TPGS1: variants seen among roughly 807,000 people sequenced by gnomAD.
The protein encoded by TPGS1 is gene trap ROSA b-geo 22.
Under a neutral mutation model 11.9 loss-of-function variants are expected in TPGS1, and 18 were observed. The observed-to-expected ratio is 1.51, with a 90% CI of 1.04 to 2.24. The LOEUF (loss-of-function observed/expected upper bound fraction) is 2.24, where lower values mean the gene tolerates loss of function less well. TPGS1 is among the 30% of genes most tolerant of loss of function. TPGS1 has a pLI of 0.00. For missense variants in TPGS1, 500 were observed against 443.0 expected, an observed-to-expected ratio of 1.13 and a Z score of -1.16; for synonymous variants, 247 against 218.2, an observed-to-expected ratio of 1.13 and a Z score of -1.16.
intron 1 of TPGS1, among the ~76,000 whole-genome samples, chr19:514,063 C>G (rs1281621899): frequency 2.0e-5 from 3 of 152,004 alleles, no homozygotes; most frequent in African/African-American, 4.8e-5. Context: ...CCACTGCACA[C>G]TGGCCCCACA....
chr19:514,727 T>C (rs563928015), intron 1 of TPGS1, among the ~76,000 whole-genome samples: 5 of 152,332 alleles, frequency 3.3e-5, no homozygotes, highest in African/African-American at 1.2e-4. Flanking sequence ...GGCCAGACCA[T>C]GGGGCTGCCC....
At chr19:515,320 G>A (rs2145833875) in intron 1 of TPGS1, among the ~76,000 whole-genome samples, 1 of 151,566 alleles carries the variant, frequency 6.6e-6, no homozygotes, top group East Asian at 1.9e-4. Flanking sequence ...AGGATCGCTT[G>A]AGCCCAGGAG....
chr19:512,929 C>T (rs1188065413), intron 1 of TPGS1, among the ~76,000 whole-genome samples: 1 of 152,266 alleles, frequency 6.6e-6, no homozygotes, highest in African/African-American at 2.4e-5. Context: ...CCTGCAGCCG[C>T]TGCCAAGAGC....
intron 1 of TPGS1, chr19:509,448 T>G (rs1306169288): frequency 6.6e-6 from 1 of 152,670 alleles, no homozygotes; most frequent in African/African-American, 2.4e-5. Flanking sequence ...ACTTAGTGGC[T>G]TAAAACAACA....
intron 1 of TPGS1, among the ~76,000 whole-genome samples, chr19:513,089 T>G (rs1463338035): frequency 6.6e-6 from 1 of 152,130 alleles, no homozygotes; most frequent in Non-Finnish European, 1.5e-5. Flanking sequence ...TTGTTGGTTT[T>G]GGGCCTCTAG....
At position 519,081 on chromosome 19, in the gene TPGS1, G is replaced by A. The variant is rs1266170054; in HGVS notation, c.531G>A (p.Pro177=). The change falls in exon 2 of 2, where the codon CCG becomes CCA. Residue 177 remains proline (P), a synonymous_variant. Coordinates refer to ENST00000359315, the MANE Select transcript of TPGS1 (RefSeq NM_033513.3). The stretch of plus-strand genomic sequence containing the variant: ...AGTGCCGTGACCACGAGGCGGTGCC[G>A]CTGAGCGTCTTCCGCGCGGGCACAC... ...KVQCRDHEAV[P]LSVFRAGTLT... 5 of 1,533,536 alleles carry A rather than the reference G, an allele frequency of 3.3e-6. No individual in the cohort carries two copies. Among genetic ancestry groups the A allele is most frequent in the Non-Finnish European group, 4.4e-6 (5 of 1,146,162 alleles). The allele number at this position is 1,533,536 out of a possible 1,614,324, so 95.0% of individuals were successfully genotyped here. A position where few individuals can be genotyped will look rare whatever the true frequency, so the allele number is the denominator to read the frequency against.
chr19:519,382 G>C lies in TPGS1; in HGVS notation c.832G>C (p.Ala278Pro). Residue 278 changes from alanine (A) to proline (P), a missense_variant, in exon 2 of 2, where the codon GCC (alanine) becomes CCC (proline). Coordinates refer to ENST00000359315, the MANE Select transcript of TPGS1 (RefSeq NM_033513.3). The stretch of plus-strand genomic sequence containing the variant: ...GACCCGCGAGGAGTTTCTGGAGAGG[G>C]CCGCCGCGCTCTTCATCGCGAAGGT... ...PMTREEFLERAAALFIAKVKP... is the reference protein window; with the variant it reads ...PMTREEFLERPAALFIAKVKP... 8.2e-7 allele frequency: 1 copy of C among 1,224,026 alleles called. No individual in the cohort carries two copies. The highest frequency in any genetic ancestry group is 1.0e-6 in the Non-Finnish European group (1 of 981,936). The allele number at this position is 1,224,026 out of a possible 1,614,324, so 75.8% of individuals were successfully genotyped here.
At chr19:515,173 G>A (rs1193293721) in intron 1 of TPGS1, among the ~76,000 whole-genome samples, 2 of 152,192 alleles carry the variant, frequency 1.3e-5, no homozygotes, top group Non-Finnish European at 2.9e-5. Context: ...ATTTACAAAA[G>A]CAGGCAGCAG....
chr19:508,850 G>A (rs1978704900), intron 1 of TPGS1: 2 of 152,370 alleles, frequency 1.3e-5, no homozygotes, highest in East Asian at 1.9e-4. Context: ...AGATAAGGGT[G>A]GCAGGGTGTT....
In TPGS1 at chr19:518,876, C is replaced by A. The variant is rs772772106; in HGVS notation, c.339-13C>A. 2 of 1,496,984 alleles carry A rather than the reference C, an allele frequency of 1.3e-6. No homozygotes were observed. The highest frequency in any genetic ancestry group is 2.9e-5 in the African/African-American group (2 of 69,498). 92.7% of individuals were successfully genotyped at this position (1,496,984 alleles called of 1,614,324 possible). On this transcript the variant is annotated splice_polypyrimidine_tract_variant and intron_variant, in intron 1 of 1. Coordinates refer to ENST00000359315, the MANE Select transcript of TPGS1 (RefSeq NM_033513.3). ...GCGGTCTCTGCCGGCCCCCAACGTC[C>A]CCGTCTCCGCAGGGCCGCCTTCAAC...
chr19:512,428 G>T (rs538281634), intron 1 of TPGS1, among the ~76,000 whole-genome samples: 1 of 152,356 alleles, frequency 6.6e-6, no homozygotes, highest in Non-Finnish European at 1.5e-5. Flanking sequence ...CTCCCAAAGT[G>T]CTGGGCTCAC....
At chr19:508,495 G>C (rs1199086371) in intron 1 of TPGS1, 3 of 152,244 alleles carry the variant, frequency 2.0e-5, no homozygotes, top group Admixed American at 6.5e-5. Context: ...GCTGGGGCCA[G>C]TTCTGAGCCC....
intron 1 of TPGS1, among the ~76,000 whole-genome samples, chr19:511,790 CAG>C (rs1364376023): frequency 6.6e-6 from 1 of 152,242 alleles, no homozygotes; most frequent in Non-Finnish European, 1.5e-5. Context: ...GCGAGCACGA[CAG>C]GAACCAACAA....
At position 515,856 on chromosome 19, in the gene TPGS1, C is replaced by A. The variant is rs555030928; in HGVS notation, c.339-3033C>A. ...GACCATCCCGGCTAAAACGGTGAAA[C>A]CCCGTCTCTACTAAAAATACAAAAA... On this transcript the variant is annotated intron_variant, in intron 1 of 1. Coordinates refer to ENST00000359315, the MANE Select transcript of TPGS1 (RefSeq NM_033513.3). 2.9e-3 allele frequency among the ~76,000 whole-genome samples: 446 copies of A among 151,928 alleles called. 4 individuals are homozygous for A. Among genetic ancestry groups the A allele is most frequent in the Middle Eastern group, 0.01 (3 of 294 alleles).
Position 519,638 on chromosome 19 carries a change from A to C in TPGS1, c.*215A>C. On this transcript the variant is annotated 3_prime_UTR_variant, in exon 2 of 2. Coordinates refer to ENST00000359315, the MANE Select transcript of TPGS1 (RefSeq NM_033513.3). ...GGAGCCCCTGCCCCACGCTAATAAA[A>C]TGTGTTGCGAGGCTGACGCTGGTGT... The C allele has an allele frequency of 1.7e-5, 5 of 293,376 alleles. No homozygotes were observed. Among genetic ancestry groups the C allele is most frequent in the Admixed American group, 5.3e-5 (1 of 18,852 alleles). 18.2% of individuals were successfully genotyped at this position (293,376 alleles called of 1,614,324 possible). A position where few individuals can be genotyped will look rare whatever the true frequency, so the allele number is the denominator to read the frequency against.
chr19:518,937 C>CG lies in TPGS1; in HGVS notation c.389dup (p.Gly131ArgfsTer42). 6.3e-7 allele frequency: 1 copy of CG among 1,578,790 alleles called. No individual in the cohort carries two copies. Among genetic ancestry groups the CG allele is most frequent in the Non-Finnish European group, 8.6e-7 (1 of 1,169,568 alleles). On this transcript the variant is annotated frameshift_variant, in exon 2 of 2. Coordinates refer to ENST00000359315, the MANE Select transcript of TPGS1 (RefSeq NM_033513.3). LOFTEE classifies it high-confidence loss of function. ...GCGTGGCCTACGAGTGCCTGAGCGC[C>CG]GGCGGGCGCAGGAAGAGGCCGGGGC...
chr19:519,166 G>T lies in TPGS1; in HGVS notation c.616G>T (p.Glu206Ter), dbSNP rs1309256279. ...CGCCGGCGCGCTCTTCCAGCTGCTGGAGGACTCGGCCGCCGCCGTGGCCGA... is the reference window on the plus strand; with the variant it reads ...CGCCGGCGCGCTCTTCCAGCTGCTGTAGGACTCGGCCGCCGCCGTGGCCGA... ...ARAGALFQLL[E>*]DSAAAVADRR... Residue 206 changes from glutamate (E) to a stop codon, truncating the protein, a stop_gained, in exon 2 of 2, where the codon GAG (glutamate) becomes TAG (stop). Coordinates refer to ENST00000359315, the MANE Select transcript of TPGS1 (RefSeq NM_033513.3). LOFTEE classifies it high-confidence loss of function. The T allele has an allele frequency of 6.6e-7, 1 of 1,504,806 alleles. No homozygotes were observed. Among genetic ancestry groups the T allele is most frequent in the Non-Finnish European group, 8.8e-7 (1 of 1,134,318 alleles). 93.2% of individuals were successfully genotyped at this position (1,504,806 alleles called of 1,614,324 possible). A position where few individuals can be genotyped will look rare whatever the true frequency, so the allele number is the denominator to read the frequency against.
intron 1 of TPGS1, among the ~76,000 whole-genome samples, chr19:515,152 G>A (rs866810820): frequency 5.3e-5 from 8 of 152,194 alleles, no homozygotes; most frequent in Admixed American, 2.6e-4. Context: ...GTTATGTTCC[G>A]ATAAAGCTTT....
chr19:512,240 T>A (rs996688742), intron 1 of TPGS1, among the ~76,000 whole-genome samples: 69 of 152,214 alleles, frequency 4.5e-4, no homozygotes, highest in African/African-American at 1.6e-3. Flanking sequence ...CCCAGCTCAC[T>A]GCAGCCTCGA....
Sources: allele counts gnomAD v4.1 joint callset (sites outside exome capture counted in the v4.1 genomes callset), GRCh38; gene constraint gnomAD v4.1.1; transcripts MANE v1.5; gene names NCBI Gene and HGNC (gene_info 2026-07-23, HGNC 2026-07-21).